The following IQCJ variants were observed in gnomAD, a reference collection of about 807,000 sequenced individuals.
The protein encoded by IQCJ is IQ motif containing J, also known as IQ domain-containing protein J.
A neutral mutation model predicts 11.0 loss-of-function variants in IQCJ; 9 were observed. The observed-to-expected ratio is 0.82, with a 90% CI of 0.49 to 1.43. IQCJ has a LOEUF of 1.43. Among genes scored for constraint, IQCJ ranks in the 40% most tolerant of loss-of-function variants. IQCJ has a pLI of 0.00. For missense variants in IQCJ, 146 were observed against 133.2 expected, an observed-to-expected ratio of 1.10 and a Z score of -0.47; for synonymous variants, 55 against 51.3, an observed-to-expected ratio of 1.07 and a Z score of -0.31.
At chr3:159,221,907 T>G (rs2108120316) in intron 1 of IQCJ, among the ~76,000 whole-genome samples, 1 of 151,190 alleles carries the variant, frequency 6.6e-6, no homozygotes, top group South Asian at 2.1e-4. Context: ...GATGGTGCTT[T>G]AAGAGAAATA....
intron 1 of IQCJ, among the ~76,000 whole-genome samples, chr3:159,110,594 T>C (rs1718564574): frequency 6.6e-6 from 1 of 152,194 alleles, no homozygotes; most frequent in African/African-American, 2.4e-5. Flanking sequence ...GCCATGATAG[T>C]TGTTTACAGG....
At chr3:159,125,109 C>A (rs1400251826) in intron 1 of IQCJ, among the ~76,000 whole-genome samples, 3 of 152,150 alleles carry the variant, frequency 2.0e-5, no homozygotes, top group Non-Finnish European at 2.9e-5. Flanking sequence ...ACCTGATAAA[C>A]ACCACCTTAG....
intron 1 of IQCJ, among the ~76,000 whole-genome samples, chr3:159,177,768 TA>T (rs1409708310): frequency 2.6e-5 from 4 of 152,164 alleles, no homozygotes; most frequent in African/African-American, 9.7e-5. Context: ...AAAGAAGTTT[TA>T]AAAATGTATT....
In IQCJ at chr3:159,121,309, A is replaced by AT. The variant is rs199910908; in HGVS notation, c.9+51876dup. On this transcript the variant is annotated intron_variant, in intron 1 of 3. Transcript: ENST00000397832. ...TTACCATGCCCGGCTAATCAAAAAA[A>AT]TTTTTTTTAGAGACTGGGTCTTGCC... 5.9e-3 allele frequency among the ~76,000 whole-genome samples: 887 copies of AT among 151,512 alleles called. 7 individuals carry two copies. Among genetic ancestry groups the AT allele is most frequent in the Admixed American group, 0.013 (202 of 15,202 alleles).
intron 1 of IQCJ, among the ~76,000 whole-genome samples, chr3:159,158,823 G>T (rs951253341): frequency 3.9e-5 from 6 of 152,148 alleles, no homozygotes; most frequent in Admixed American, 3.9e-4. Context: ...ATGTCAAATG[G>T]TGAAGTTATT....
chr3:159,145,867 G>A (rs1472225163), intron 1 of IQCJ, among the ~76,000 whole-genome samples: 1 of 152,192 alleles, frequency 6.6e-6, no homozygotes. Context: ...TGTCCTCAGA[G>A]TGATCATAAC....
chr3:159,161,675 A>T (rs1577051250), intron 1 of IQCJ, among the ~76,000 whole-genome samples: 1 of 152,282 alleles, frequency 6.6e-6, no homozygotes, highest in East Asian at 1.9e-4. Context: ...TCTAACGTTT[A>T]AGTTTTTAAT....
At chr3:159,134,291 C>T (rs1720160810) in intron 1 of IQCJ, among the ~76,000 whole-genome samples, 2 of 152,022 alleles carry the variant, frequency 1.3e-5, no homozygotes, top group Admixed American at 6.6e-5. Context: ...GAATAATAGC[C>T]CATCACCTTT....
At chr3:159,128,684 G>A (rs967475066) in intron 1 of IQCJ, among the ~76,000 whole-genome samples, 2 of 152,072 alleles carry the variant, frequency 1.3e-5, no homozygotes, top group African/African-American at 4.8e-5. Flanking sequence ...TCCTGCCTGT[G>A]TGGCCAGATT....
intron 1 of IQCJ, among the ~76,000 whole-genome samples, chr3:159,137,152 C>G (rs1265639219): frequency 6.6e-6 from 1 of 151,886 alleles, no homozygotes; most frequent in Non-Finnish European, 1.5e-5. Context: ...ATCCCAGCTA[C>G]TCGGGAGGCT....
chr3:159,246,290 A>C (rs1727265687), intron 2 of IQCJ, among the ~76,000 whole-genome samples: 1 of 152,210 alleles, frequency 6.6e-6, no homozygotes, highest in Non-Finnish European at 1.5e-5. Flanking sequence ...AACACTACAG[A>C]ATGGGACAAA....
intron 1 of IQCJ, among the ~76,000 whole-genome samples, chr3:159,123,227 C>A (rs1222582682): frequency 1.3e-5 from 2 of 152,176 alleles, no homozygotes; most frequent in East Asian, 3.9e-4. Context: ...TATGAATGAC[C>A]CACATCTCTA....
chr3:159,179,745 A>C (rs556231220), intron 1 of IQCJ, among the ~76,000 whole-genome samples: 2 of 152,322 alleles, frequency 1.3e-5, no homozygotes, highest in Admixed American at 1.3e-4. Context: ...CCTTTAATAC[A>C]TTATTTTCTT....
chr3:159,131,622 T>C (rs1719994367), intron 1 of IQCJ, among the ~76,000 whole-genome samples: 1 of 152,068 alleles, frequency 6.6e-6, no homozygotes, highest in Non-Finnish European at 1.5e-5. Flanking sequence ...ATAACAGCTG[T>C]CTACTGTTGT....
intron 1 of IQCJ, 48 bp downstream of exon 1, chr3:159,069,489 G>T: frequency 6.4e-7 from 1 of 1,573,926 alleles, no homozygotes; most frequent in Non-Finnish European, 8.6e-7. Context: ...TGCATTATAT[G>T]CAGCTGCTTA....
intron 1 of IQCJ, among the ~76,000 whole-genome samples, chr3:159,076,273 T>G (rs2108049423): frequency 6.6e-6 from 1 of 152,250 alleles, no homozygotes; most frequent in East Asian, 1.9e-4. Flanking sequence ...CCTTCAATTT[T>G]AGTCCACACT....
intron 1 of IQCJ, among the ~76,000 whole-genome samples, chr3:159,140,913 C>T (rs1025907667): frequency 6.6e-6 from 1 of 152,164 alleles, no homozygotes; most frequent in Non-Finnish European, 1.5e-5. Flanking sequence ...GTAAAGAGCC[C>T]TGCACTTTTC....
At chr3:159,195,221 A>G (rs778684361) in intron 1 of IQCJ, among the ~76,000 whole-genome samples, 1 of 152,154 alleles carries the variant, frequency 6.6e-6, no homozygotes, top group Non-Finnish European at 1.5e-5. Flanking sequence ...CCAGTCCTAC[A>G]TACTGTGCTG....
chr3:159,182,750 T>C (rs894089893), intron 1 of IQCJ, among the ~76,000 whole-genome samples: 10 of 151,068 alleles, frequency 6.6e-5, no homozygotes, highest in Admixed American at 5.9e-4. Context: ...ACCGATTAGG[T>C]CAGGGGTCAA....
Sources: gnomAD v4.1 joint callset for allele counts (sites outside exome capture counted in the v4.1 genomes callset) on GRCh38, gnomAD v4.1.1 for gene constraint, MANE v1.5 for transcripts, NCBI Gene and HGNC (gene_info 2026-07-23, HGNC 2026-07-21) for gene names.